The following ZNF608 variants were observed in gnomAD, a reference collection of about 807,000 sequenced individuals.
ZNF608 encodes zinc finger protein 608.
A neutral mutation model predicts 109.0 loss-of-function variants in ZNF608; 12 were observed. That is an observed-to-expected ratio of 0.11 (90% confidence interval 0.07 to 0.18). ZNF608 has a LOEUF of 0.18. ZNF608 is among the 10% of genes least tolerant of loss of function. The pLI is 1.00. For synonymous variants in ZNF608, 732 were observed against 717.4 expected (o/e 1.02, Z -0.33); for missense variants, 1,707 against 1,879.3 (o/e 0.91, Z 1.70).
intron 3 of ZNF608, among the ~76,000 whole-genome samples, chr5:124,668,111 G>A (rs1456299023): frequency 6.6e-6 from 1 of 151,090 alleles, no homozygotes; most frequent in Non-Finnish European, 1.5e-5. Context: ...CAGAACTTTG[G>A]GAGGCCGAGG....
chr5:124,655,746 C>T (rs554677473), intron 3 of ZNF608, among the ~76,000 whole-genome samples: 1 of 152,290 alleles, frequency 6.6e-6, no homozygotes, highest in East Asian at 1.9e-4. Flanking sequence ...GGACTCCCTC[C>T]CCCCATTATT....
At chr5:124,701,322 T>C (rs1580655217) in intron 2 of ZNF608, 53 bp from the exon 3 acceptor site, 1 of 1,593,244 alleles carries the variant, frequency 6.3e-7, no homozygotes. Flanking sequence ...GAATTCCTTT[T>C]AATGCAATTT....
At chr5:124,721,723 G>A (rs745665010) in intron 2 of ZNF608, among the ~76,000 whole-genome samples, 6 of 151,766 alleles carry the variant, frequency 4.0e-5, no homozygotes, top group Non-Finnish European at 7.4e-5. Flanking sequence ...ATCGTCTGAG[G>A]TCAGGGGTTC....
chr5:124,699,162 T>C (rs1752952663), intron 3 of ZNF608, among the ~76,000 whole-genome samples: 1 of 152,246 alleles, frequency 6.6e-6, no homozygotes, highest in Admixed American at 6.5e-5. Context: ...GTGACCTTAT[T>C]AAGATCTTCA....
At chr5:124,649,577 G>A (rs1399880830) in intron 4 of ZNF608, 33 bp downstream of exon 4, 3 of 1,531,750 alleles carry the variant, frequency 2.0e-6, no homozygotes, top group Non-Finnish European at 2.7e-6. Flanking sequence ...AGAGAGGATG[G>A]GGAAGGAGAG....
chr5:124,642,725 G>A (rs1580520121), intron 7 of ZNF608, among the ~76,000 whole-genome samples: 1 of 124,540 alleles, frequency 8.0e-6, no homozygotes, highest in South Asian at 2.7e-4. Context: ...TTGAGACAGA[G>A]CCTTGCTCTG....
chr5:124,722,478 T>C (rs563686016), intron 2 of ZNF608, among the ~76,000 whole-genome samples: 145 of 152,150 alleles, frequency 9.5e-4, no homozygotes, highest in African/African-American at 3.3e-3. Flanking sequence ...TTGCCTCCCA[T>C]TTGACCAAGT....
Position 124,654,029 on chromosome 5 carries a change from C to A in ZNF608, c.1163-4332G>T, listed in dbSNP as rs186221745. ...CCAGCCATCTTGTTAAAAAGTTGTT[C>A]CTTGTGTTAAACTAAATTTGTCTTT... On this transcript the variant is annotated intron_variant, in intron 3 of 9. Coordinates refer to ENST00000513986, the MANE Select transcript of ZNF608 (RefSeq NM_020747.3). Among the ~76,000 whole-genome samples the A allele has an allele frequency of 2.3e-3, 355 of 152,208 alleles. 1 individual carries two copies. The highest frequency in any genetic ancestry group is 3.7e-3 in the Non-Finnish European group (253 of 68,012).
In ZNF608 at chr5:124,648,146, G is replaced by C. The variant is rs747810890; in HGVS notation, c.2238C>G (p.Pro746=). ...CAGTGGGTATAGCGATTAGCTGCGG[G>C]GGAGTGGGGGCTGGGGCAGGGGCAA... is the stretch of plus-strand genomic sequence containing the variant. ...RPIAPAPAPT[P]PQLIAIPTAT... The change falls in exon 5 of 10, where the codon CCC becomes CCG. Residue 746 remains proline (P), a synonymous_variant. Transcript: ENST00000513986. 6.2e-7 allele frequency: 1 copy of C among 1,613,842 alleles called. No homozygotes were observed. The highest frequency in any genetic ancestry group is 1.1e-5 in the South Asian group (1 of 91,066).
At chr5:124,667,500 T>C (rs1488451180) in intron 3 of ZNF608, among the ~76,000 whole-genome samples, 8 of 152,000 alleles carry the variant, frequency 5.3e-5, no homozygotes, top group Non-Finnish European at 8.8e-5. Context: ...ATCAACACCA[T>C]TGTTGATAAC....
At chr5:124,735,714 G>T (rs1010667323) in intron 2 of ZNF608, among the ~76,000 whole-genome samples, 2 of 152,212 alleles carry the variant, frequency 1.3e-5, no homozygotes, top group East Asian at 3.8e-4. Context: ...CATGGGAAAG[G>T]CTGGTGAAAG....
Position 124,647,990 on chromosome 5 carries a change from G to T in ZNF608, c.2394C>A (p.Pro798=). ...ACACCAGAGCTGGGTTCACGGTGAT[G>T]GGCTCTCCCATAATTGTGGGCTTTG... The part of the protein sequence containing the change: ...IQPKPTIMGE[P]ITVNPALVSL... Residue 798 remains proline (P), a synonymous_variant, in exon 5 of 10, where the codon CCC becomes CCA. Coordinates refer to ENST00000513986, the MANE Select transcript of ZNF608 (RefSeq NM_020747.3). The T allele has an allele frequency of 1.9e-6, 3 of 1,614,172 alleles. No homozygotes were observed. Among genetic ancestry groups the T allele is most frequent in the Non-Finnish European group, 2.5e-6 (3 of 1,180,034 alleles).
In ZNF608 at chr5:124,646,311, T is replaced by C. The variant is rs1375701216; in HGVS notation, c.3705+368A>G. Among the ~76,000 whole-genome samples the C allele has an allele frequency of 5.9e-5, 9 of 152,152 alleles. No homozygotes were observed. In the East Asian group the frequency reaches 1.2e-3, roughly 20 times the overall value. ...AGGCGGAGGTTGCAGAGAGCCAAGA[T>C]TGCACCACTGCACTCCAGCCTGGGT... On this transcript the variant is annotated intron_variant, in intron 5 of 9. Coordinates refer to ENST00000513986, the MANE Select transcript of ZNF608 (RefSeq NM_020747.3).
At chr5:124,738,885 C>T (rs1561594924) in intron 2 of ZNF608, among the ~76,000 whole-genome samples, 1 of 152,176 alleles carries the variant, frequency 6.6e-6, no homozygotes, top group Non-Finnish European at 1.5e-5. Context: ...CCTAGAGCTG[C>T]CACCACGTTA....
intron 3 of ZNF608, among the ~76,000 whole-genome samples, chr5:124,669,394 C>T (rs1751620627): frequency 6.6e-6 from 1 of 152,172 alleles, no homozygotes; most frequent in Non-Finnish European, 1.5e-5. Context: ...GAGGTGTTCT[C>T]AGCATGGCAT....
intron 2 of ZNF608, among the ~76,000 whole-genome samples, chr5:124,705,141 C>A (rs755920389): frequency 2.6e-5 from 4 of 152,168 alleles, no homozygotes; most frequent in Non-Finnish European, 5.9e-5. Context: ...AGATCAACTC[C>A]ACTGCACCCT....
chr5:124,638,749 G>A, intron 9 of ZNF608: 1 of 754,504 alleles, frequency 1.3e-6, no homozygotes, highest in Non-Finnish European at 1.7e-6. Context: ...AAAACTTAGG[G>A]AATAATTTAA....
chr5:124,672,343 C>T (rs1326360826), intron 3 of ZNF608, among the ~76,000 whole-genome samples: 1 of 152,140 alleles, frequency 6.6e-6, no homozygotes, highest in Non-Finnish European at 1.5e-5. Flanking sequence ...TTATGTTTAA[C>T]CAGAGTTGAA....
At chr5:124,721,830 C>T (rs935780042) in intron 2 of ZNF608, among the ~76,000 whole-genome samples, 3 of 149,146 alleles carry the variant, frequency 2.0e-5, no homozygotes, top group East Asian at 2.0e-4. Flanking sequence ...CCCAGCTACT[C>T]GGAAGGAAGG....
Sources: allele counts gnomAD v4.1 joint callset (sites outside exome capture counted in the v4.1 genomes callset), GRCh38; gene constraint gnomAD v4.1.1; transcripts MANE v1.5; gene names NCBI Gene and HGNC (gene_info 2026-07-23, HGNC 2026-07-21).